RPS11: variants seen among roughly 807,000 people sequenced by gnomAD.
The protein encoded by RPS11 is small ribosomal subunit protein uS17.
For missense variants in RPS11, 127 were observed against 211.4 expected, an observed-to-expected ratio of 0.60 and a Z score of 2.48; for synonymous variants, 107 against 78.0, an observed-to-expected ratio of 1.37 and a Z score of -1.96.
chr19:49,499,384 A>C, intron 4 of RPS11, 128 bp from the exon 5 acceptor site: 1 of 978,498 alleles, frequency 1.0e-6, no homozygotes, highest in South Asian at 1.6e-5. Flanking sequence ...TGAATTGGCG[A>C]GTAGAGCTTG....
chr19:49,497,881 C>T (rs755286183), intron 3 of RPS11, 36 bp from the exon 4 acceptor site: 1 of 1,613,852 alleles, frequency 6.2e-7, no homozygotes, highest in East Asian at 2.2e-5. Context: ...CCCTCTTTCC[C>T]ATGGGACCTG....
intron 1 of RPS11, 86 bp downstream of exon 1, chr19:49,496,557 G>T: frequency 7.1e-7 from 1 of 1,403,260 alleles, no homozygotes; most frequent in Non-Finnish European, 9.7e-7. Context: ...CGGCGGCCAA[G>T]TTCGGGGGTT....
chr19:49,498,186 A>T, intron 4 of RPS11, 140 bp downstream of exon 4: 2 of 890,206 alleles, frequency 2.2e-6, no homozygotes, highest in Non-Finnish European at 3.6e-6. Context: ...CAGGATTTGT[A>T]TATCATATGT....
chr19:49,497,010 T>C (rs570646138), intron 1 of RPS11, among the ~76,000 whole-genome samples, 184 bp from the exon 2 acceptor site: 1 of 152,142 alleles, frequency 6.6e-6, no homozygotes, highest in East Asian at 1.9e-4. Context: ...TGAGTATGAA[T>C]TACAGGTAAG....
chr19:49,498,539 C>T (rs2079918980), intron 4 of RPS11, among the ~76,000 whole-genome samples: 1 of 151,590 alleles, frequency 6.6e-6, no homozygotes, highest in African/African-American at 2.4e-5. Context: ...ATCCCTTGAG[C>T]CCAGGAGTTT....
At chr19:49,498,175 T>C in intron 4 of RPS11, 129 bp downstream of exon 4, 2 of 997,488 alleles carry the variant, frequency 2.0e-6, no homozygotes, top group Middle Eastern at 3.2e-4. Context: ...CCCCAGAATC[T>C]CAGGATTTGT....
intron 4 of RPS11, among the ~76,000 whole-genome samples, chr19:49,498,675 A>C (rs867789985): frequency 6.6e-5 from 10 of 152,160 alleles, no homozygotes; most frequent in African/African-American, 2.4e-4. Flanking sequence ...GCTTGAGCCC[A>C]GAAAGTGGAG....
At position 49,499,669 on chromosome 19, in the gene RPS11, A is replaced by G; in HGVS notation, c.*34A>G. 6.2e-7 allele frequency: 1 copy of G among 1,604,434 alleles called. No individual in the cohort carries two copies. Among genetic ancestry groups the G allele is most frequent in the Non-Finnish European group, 8.5e-7 (1 of 1,173,496 alleles). ...ATCGGCCCGCTCCCCACAATGAAATAAAGTTATTTTCTCATTCCCAGGCCA... is the reference window on the plus strand; with the variant it reads ...ATCGGCCCGCTCCCCACAATGAAATGAAGTTATTTTCTCATTCCCAGGCCA... On this transcript the variant is annotated 3_prime_UTR_variant, in exon 5 of 5. Coordinates refer to ENST00000270625, the MANE Select transcript of RPS11 (RefSeq NM_001015.5).
At position 49,497,645 on chromosome 19, in the gene RPS11, G is replaced by A. The variant is rs967367616; in HGVS notation, c.223+50G>A. The stretch of plus-strand genomic sequence containing the variant: ...TGGGGCCTGAAATACTGAAAGAAGG[G>A]TCTTGGGGCCCAGACTCCTGGGTCC... On this transcript the variant is annotated intron_variant, in intron 3 of 4. Coordinates refer to ENST00000270625, the MANE Select transcript of RPS11 (RefSeq NM_001015.5). The A allele has an allele frequency of 3.2e-6, 5 of 1,554,042 alleles. No individual in the cohort carries two copies. The African/African-American group carries it at 6.8e-5, about 21-fold the overall frequency.
chr19:49,499,500 C>T lies in RPS11; in HGVS notation c.354-12C>T, dbSNP rs755820473. On this transcript the variant is annotated splice_polypyrimidine_tract_variant and intron_variant, in intron 4 of 4. Coordinates refer to ENST00000270625, the MANE Select transcript of RPS11 (RefSeq NM_001015.5). ...GCCCCTCCTGAGGACATGGCCCTAC[C>T]TGCCTCCACAGGGACGTCCAGATCG... is the stretch of plus-strand genomic sequence containing the variant. The T allele has an allele frequency of 1.2e-6, 2 of 1,611,712 alleles. No individual in the cohort carries two copies. Among genetic ancestry groups the T allele is most frequent in the Non-Finnish European group, 1.7e-6 (2 of 1,178,138 alleles).
In RPS11 at chr19:49,496,449, C is replaced by T. The variant is rs1234676272; in HGVS notation, c.-8C>T. 3.1e-6 allele frequency: 5 copies of T among 1,612,082 alleles called. No individual in the cohort carries two copies. The highest frequency in any genetic ancestry group is 1.1e-5 in the South Asian group (1 of 91,028). On this transcript the variant is annotated 5_prime_UTR_variant, in exon 1 of 5. Transcript: ENST00000270625. ...CTGCCCCTTTCTTTTTTTCAGGCGG[C>T]CGGGAAGATGGCGGACATTCAGGTG...
intron 4 of RPS11, chr19:49,498,333 C>T (rs982440756): frequency 1.5e-4 from 64 of 435,466 alleles, no homozygotes; most frequent in Non-Finnish European, 2.5e-4. Flanking sequence ...TCATTTGTTT[C>T]ATATACACCT....
In RPS11 at chr19:49,497,226, C is replaced by T. The variant is rs1601172425; in HGVS notation, c.48C>T (p.Ile16=). Residue 16 remains isoleucine (I), a synonymous_variant, in exon 2 of 5, where the codon ATC becomes ATT. Transcript: ENST00000270625. ...TERAYQKQPT[I]FQNKKRVLLG... is the part of the protein sequence containing the mutation. ...GTGCCTACCAAAAGCAGCCGACCAT[C>T]TTTCAAAACAAGAAGAGGGTCCTGC... The T allele has an allele frequency of 1.2e-6, 2 of 1,614,120 alleles. No homozygotes were observed. The highest frequency in any genetic ancestry group is 1.7e-6 in the Non-Finnish European group (2 of 1,180,040).
chr19:49,497,046 T>C (rs2079909879), intron 1 of RPS11, 148 bp from the exon 2 acceptor site: 2 of 794,476 alleles, frequency 2.5e-6, no homozygotes, highest in Non-Finnish European at 4.0e-6. Flanking sequence ...TCTTAGAGGG[T>C]GATTCTGGGG....
rs1269437660 is a variant in RPS11 at position 49,499,614 on chromosome 19, G to A, written c.456G>A (p.Lys152=). ...AGGTCACCAAGGCTGCCGGCACCAAGAAGCAGTTCCAGAAGTTCTGAGGCT... is the reference window on the plus strand; with the variant it reads ...AGGTCACCAAGGCTGCCGGCACCAAAAAGCAGTTCCAGAAGTTCTGAGGCT... ...VLKVTKAAGT[K]KQFQKF Residue 152 remains lysine, a synonymous_variant, in exon 5 of 5, where the codon AAG becomes AAA. Coordinates refer to ENST00000270625, the MANE Select transcript of RPS11 (RefSeq NM_001015.5). 1 of 1,613,762 alleles carries A rather than the reference G, an allele frequency of 6.2e-7. No homozygotes were observed. Among genetic ancestry groups the A allele is most frequent in the Non-Finnish European group, 8.5e-7 (1 of 1,179,864 alleles).
At chr19:49,496,574 G>C in intron 1 of RPS11, 103 bp downstream of exon 1, 7 of 1,235,310 alleles carry the variant, frequency 5.7e-6, no homozygotes, top group East Asian at 5.0e-5. Flanking sequence ...GGTTAATTCC[G>C]GGCGTCCGTG....
chr19:49,497,964 G>C lies in RPS11; in HGVS notation c.271G>C (p.Asp91His). The stretch of plus-strand genomic sequence containing the variant: ...GCAGAGGACCATTGTCATCCGCCGA[G>C]ACTATCTGCACTACATCCGCAAGTA... Reference protein sequence around the residue: ...KMQRTIVIRRDYLHYIRKYNR... With the variant: ...KMQRTIVIRRHYLHYIRKYNR... Residue 91 changes from aspartate to histidine, a missense_variant, in exon 4 of 5, where the codon GAC becomes CAC. Physicochemically the swap from Asp to His is moderately conservative, Grantham distance 81. Transcript: ENST00000270625. The C allele has an allele frequency of 1.9e-6, 3 of 1,614,132 alleles. No homozygotes were observed. Among genetic ancestry groups the C allele is most frequent in the Non-Finnish European group, 2.5e-6 (3 of 1,180,028 alleles).
Position 49,499,572 on chromosome 19 carries a change from G to A in RPS11, c.414G>A (p.Val138=). 3 of 1,614,050 alleles carry A rather than the reference G, an allele frequency of 1.9e-6. No individual in the cohort carries two copies. The South Asian group carries it at 3.3e-5, about 18-fold the overall frequency. The change falls in exon 5 of 5, where the codon GTG becomes GTA. Residue 138 remains valine (V), a synonymous_variant. Transcript: ENST00000270625. The stretch of plus-strand genomic sequence containing the variant: ...AGTGCCGGCCTCTGAGCAAGACAGT[G>A]CGCTTCAACGTGCTCAAGGTCACCA... ...VGECRPLSKT[V]RFNVLKVTKA... is the part of the protein sequence containing the mutation.
chr19:49,496,604 C>T (rs2079907543), intron 1 of RPS11, 133 bp downstream of exon 1: 2 of 977,834 alleles, frequency 2.0e-6, no homozygotes, highest in Admixed American at 2.5e-5. Flanking sequence ...TAGAGATTAA[C>T]TGGAGTGGAG....
Sources: allele counts gnomAD v4.1 joint callset (sites outside exome capture counted in the v4.1 genomes callset), GRCh38; gene constraint gnomAD v4.1.1; transcripts MANE v1.5; gene names NCBI Gene and HGNC (gene_info 2026-07-23, HGNC 2026-07-21).